The following AMELY variants were observed in gnomAD, a reference collection of about 807,000 sequenced individuals.
AMELY encodes the protein amelogenin Y-linked, also known as amelogenin, Y isoform.
AMELY carries 4 observed loss-of-function variants against 4.2 expected under a neutral mutation model. The observed-to-expected ratio is 0.96, with a 90% confidence interval of 0.47 to 2.19. The LOEUF (loss-of-function observed/expected upper bound fraction) is 2.19, where lower values mean the gene tolerates loss of function less well. Ranked by LOEUF, AMELY falls within the 30% of genes most tolerant of loss-of-function variation. AMELY has a pLI of 0.02. For synonymous variants in AMELY, 11 were observed against 14.7 expected (o/e 0.75, Z 0.57); for missense variants, 32 against 41.5 (o/e 0.77, Z 0.63).
intron 1 of AMELY, among the ~76,000 whole-genome samples, chrY:6,883,708 G>A: frequency 3.0e-5 from 1 of 33,545 alleles, no homozygotes; most frequent in Admixed American, 2.7e-4. Context: ...ATGGAGATTC[G>A]TTACTGTGAA....
At chrY:6,898,710 GA>G in intron 1 of AMELY, among the ~76,000 whole-genome samples, 1 of 33,520 alleles carries the variant, frequency 3.0e-5, no homozygotes, top group Non-Finnish European at 7.4e-5. Flanking sequence ...TTGACACGTA[GA>G]ATTAACCATC....
chrY:6,885,047 C>A, intron 1 of AMELY, among the ~76,000 whole-genome samples: 6 of 34,025 alleles, frequency 1.8e-4, no homozygotes, highest in Admixed American at 1.3e-3. Context: ...CATTTCACAT[C>A]AATCAGAATG....
intron 1 of AMELY, among the ~76,000 whole-genome samples, chrY:6,898,526 T>C: frequency 1.2e-4 from 4 of 33,584 alleles, no homozygotes. Context: ...CCTCTCTCTA[T>C]GTGCTCTGTT....
chrY:6,901,550 T>C, intron 1 of AMELY, among the ~76,000 whole-genome samples: 1 of 33,812 alleles, frequency 3.0e-5, no homozygotes, highest in Non-Finnish European at 7.3e-5. Flanking sequence ...TGTTTCACCC[T>C]AGTGTCCCAC....
intron 1 of AMELY, among the ~76,000 whole-genome samples, chrY:6,878,236 A>C: frequency 6.1e-5 from 2 of 32,695 alleles, no homozygotes; most frequent in Non-Finnish European, 1.5e-4. Flanking sequence ...CCCATGCACA[A>C]CCTTCATTTT....
At chrY:6,874,721 A>C in intron 1 of AMELY, among the ~76,000 whole-genome samples, 1 of 33,770 alleles carries the variant, frequency 3.0e-5, no homozygotes, top group Non-Finnish European at 7.4e-5. Context: ...TCTTTCATGC[A>C]TGAAACAGAT....
rs756045480 is a variant in AMELY at position 6,897,508 on chromosome Y, C to T, written c.-113+14165G>A. Among the ~76,000 whole-genome samples, 3 of 31,165 alleles carry T rather than the reference C, an allele frequency of 9.6e-5. No individual in the cohort carries two copies. The South Asian group carries it at 2.3e-3, about 24-fold the overall frequency. 83.6% of individuals were successfully genotyped at this position (31,165 alleles called of 37,273 possible). A position where few individuals can be genotyped will look rare whatever the true frequency, so the allele number is the denominator to read the frequency against. ...AGTGTCCTTGATGGCCATCAAACTC[C>T]GGACCTCAACTGACTCCCCTGCCTC... is the stretch of plus-strand genomic sequence containing the variant. On this transcript the variant is annotated intron_variant, in intron 1 of 6. Transcript: ENST00000651267.
At chrY:6,885,253 G>A (rs2054078449) in intron 1 of AMELY, among the ~76,000 whole-genome samples, 1 of 32,818 alleles carries the variant, frequency 3.0e-5, no homozygotes, top group Non-Finnish European at 7.6e-5. Flanking sequence ...GCCAAGGGGG[G>A]CGGATCACGA....
intron 4 of AMELY, chrY:6,869,775 A>G (rs1040249252): frequency 1.3e-5 from 2 of 157,834 alleles, no homozygotes; most frequent in Non-Finnish European, 2.4e-5. Context: ...TTACAGCCAT[A>G]TTTAGGAGGA....
intron 1 of AMELY, among the ~76,000 whole-genome samples, chrY:6,903,271 T>G: frequency 6.0e-5 from 2 of 33,196 alleles, no homozygotes; most frequent in African/African-American, 2.4e-4. Context: ...AATCTTAACT[T>G]CCAGTTTAGT....
chrY:6,907,379 C>CA (rs780119415), intron 1 of AMELY, among the ~76,000 whole-genome samples: 4 of 21,347 alleles, frequency 1.9e-4, no homozygotes, highest in South Asian at 9.2e-4. Flanking sequence ...ACTCTGTCTC[C>CA]AAAAAAAAAA....
intron 1 of AMELY, among the ~76,000 whole-genome samples, chrY:6,894,704 A>G (rs749108210): frequency 3.0e-5 from 1 of 33,660 alleles, no homozygotes; most frequent in Admixed American, 2.7e-4. Context: ...CAGCCTTAGC[A>G]TAGCTGGATC....
chrY:6,872,663 A>G (rs34551924), intron 2 of AMELY, 43 bp from the exon 3 acceptor site: 3,667 of 324,351 alleles, frequency 0.011, no homozygotes, highest in South Asian at 0.11. Flanking sequence ...CTCTTCTCAA[A>G]CATGTGCACC....
At chrY:6,899,365 G>A in intron 1 of AMELY, among the ~76,000 whole-genome samples, 1 of 33,292 alleles carries the variant, frequency 3.0e-5, no homozygotes, top group South Asian at 6.8e-4. Context: ...GCGGAACCAG[G>A]GCCGGAAGTA....
At chrY:6,893,915 C>T (rs2054084916) in intron 1 of AMELY, among the ~76,000 whole-genome samples, 1 of 33,056 alleles carries the variant, frequency 3.0e-5, no homozygotes, top group African/African-American at 1.2e-4. Context: ...TTGTAATCCT[C>T]TTACTATAAT....
At chrY:6,885,449 TG>T (rs2054079468) in intron 1 of AMELY, among the ~76,000 whole-genome samples, 1 of 34,271 alleles carries the variant, frequency 2.9e-5, no homozygotes, top group African/African-American at 1.1e-4. Context: ...CACTCCAGCC[TG>T]GGCGACAGAG....
intron 2 of AMELY, 100 bp from the exon 3 acceptor site, chrY:6,872,720 A>T: frequency 1.1e-5 from 2 of 181,974 alleles, no homozygotes; most frequent in South Asian, 1.2e-4. Flanking sequence ...GTGGGTAGCA[A>T]GTAGGATATT....
chrY:6,888,722 G>C, intron 1 of AMELY, among the ~76,000 whole-genome samples: 1 of 29,127 alleles, frequency 3.4e-5, no homozygotes, highest in Non-Finnish European at 8.0e-5. Flanking sequence ...ACAAAAATTA[G>C]CTGGCTGTGG....
At chrY:6,881,784 C>T (rs1187288366) in intron 1 of AMELY, among the ~76,000 whole-genome samples, 3 of 32,926 alleles carry the variant, frequency 9.1e-5, no homozygotes, top group Admixed American at 2.8e-4. Context: ...TTCCTATATA[C>T]CAATAATAGA....
Sources: allele counts gnomAD v4.1 joint callset (sites outside exome capture counted in the v4.1 genomes callset), GRCh38; gene constraint gnomAD v4.1.1; transcripts MANE v1.5; gene names NCBI Gene and HGNC (gene_info 2026-07-23, HGNC 2026-07-21).